The following CCDC83 variants were observed in gnomAD, a reference collection of about 807,000 sequenced individuals.
CCDC83 encodes the protein coiled-coil domain-containing protein 83.
Under a neutral mutation model 50.1 loss-of-function variants are expected in CCDC83, and 54 were observed. The ratio of observed to expected loss-of-function variants is 1.08; its 90% CI spans 0.87 to 1.35. CCDC83 has a LOEUF of 1.35. CCDC83 is among the 40% of genes most tolerant of loss of function. The probability of loss-of-function intolerance (pLI) is 0.00; values close to 1 mark genes in which losing one functional copy is unlikely to be tolerated. For synonymous variants in CCDC83, 161 were observed against 153.3 expected, an observed-to-expected ratio of 1.05 and a Z score of -0.37; for missense variants, 518 against 473.9, an observed-to-expected ratio of 1.09 and a Z score of -0.86.
intron 3 of CCDC83, among the ~76,000 whole-genome samples, chr11:85,881,647 G>A (rs923565546): frequency 1.3e-5 from 2 of 152,038 alleles, no homozygotes; most frequent in Non-Finnish European, 2.9e-5. Context: ...TTGAACTCCT[G>A]GCCTCAAGTA....
At chr11:85,913,709 T>C (rs1592200662) in intron 8 of CCDC83, among the ~76,000 whole-genome samples, 1 of 152,190 alleles carries the variant, frequency 6.6e-6, no homozygotes, top group South Asian at 2.1e-4. Flanking sequence ...TCAACTCACA[T>C]AGAATGTCAT....
At chr11:85,877,305 T>C (rs1427648951) in intron 3 of CCDC83, among the ~76,000 whole-genome samples, 3 of 152,102 alleles carry the variant, frequency 2.0e-5, no homozygotes, top group Non-Finnish European at 4.4e-5. Context: ...AGCCTGTCTC[T>C]ACAAAAAATT....
At chr11:85,888,517 T>G (rs1451432087) in intron 5 of CCDC83, among the ~76,000 whole-genome samples, 1 of 152,234 alleles carries the variant, frequency 6.6e-6, no homozygotes, top group African/African-American at 2.4e-5. Flanking sequence ...TTTAAAAAAA[T>G]TAGCTCTTTA....
intron 4 of CCDC83, among the ~76,000 whole-genome samples, chr11:85,883,097 T>C (rs2093309628): frequency 6.6e-6 from 1 of 152,006 alleles, no homozygotes; most frequent in South Asian, 2.1e-4. Flanking sequence ...TGTTCCTTTT[T>C]TGTAGAGATG....
chr11:85,905,630 A>AG (rs1407521351), intron 7 of CCDC83, among the ~76,000 whole-genome samples: 1 of 150,678 alleles, frequency 6.6e-6, no homozygotes, highest in Non-Finnish European at 1.5e-5. Flanking sequence ...AAAAAAAAAA[A>AG]GGTATTAACA....
intron 7 of CCDC83, among the ~76,000 whole-genome samples, chr11:85,906,612 C>T (rs1292509331): frequency 6.6e-6 from 1 of 152,184 alleles, no homozygotes; most frequent in Non-Finnish European, 1.5e-5. Context: ...GGCATGGTGG[C>T]TCCCACCTAT....
intron 7 of CCDC83, among the ~76,000 whole-genome samples, chr11:85,909,924 C>A (rs1432917253): frequency 1.3e-5 from 2 of 152,158 alleles, no homozygotes. Flanking sequence ...CAATGACCTT[C>A]CATCACCTAC....
At chr11:85,872,949 A>G (rs2093247546) in intron 2 of CCDC83, among the ~76,000 whole-genome samples, 2 of 152,120 alleles carry the variant, frequency 1.3e-5, no homozygotes, top group Non-Finnish European at 2.9e-5. Context: ...TTTATAAACA[A>G]TTAGAAAGTA....
chr11:85,881,339 C>A (rs531245339), intron 3 of CCDC83, among the ~76,000 whole-genome samples: 2 of 151,648 alleles, frequency 1.3e-5, no homozygotes, highest in Admixed American at 1.3e-4. Context: ...CACCACTGCA[C>A]GCCAGCCTTG....
chr11:85,886,417 G>T, intron 5 of CCDC83, 50 bp downstream of exon 5: 1 of 1,439,524 alleles, frequency 6.9e-7, no homozygotes, highest in Non-Finnish European at 9.3e-7. Context: ...ATCTTTAGTA[G>T]GGCATACATT....
intron 1 of CCDC83, among the ~76,000 whole-genome samples, chr11:85,855,797 G>A: frequency 6.6e-6 from 1 of 152,156 alleles, no homozygotes. Context: ...CTCTGTGCAG[G>A]AGCTGGGACT....
intron 3 of CCDC83, among the ~76,000 whole-genome samples, chr11:85,875,564 T>C (rs1364672433): frequency 6.6e-6 from 1 of 152,260 alleles, no homozygotes; most frequent in Non-Finnish European, 1.5e-5. Context: ...TGTGTAAAAT[T>C]ATATCTCCAT....
intron 8 of CCDC83, among the ~76,000 whole-genome samples, chr11:85,914,794 G>A (rs2093470058): frequency 6.6e-6 from 1 of 152,142 alleles, no homozygotes; most frequent in South Asian, 2.1e-4. Flanking sequence ...CCGAGACTGG[G>A]TAATTTAGAA....
chr11:85,873,298 G>C lies in CCDC83; in HGVS notation c.180+3G>C. ...AGAACCAAAAATATCATGAAAGAGT[G>C]AGTATAAAATTTAGAACCTATATAT... On this transcript the variant is annotated splice_donor_region_variant and intron_variant, in intron 3 of 10. Transcript: ENST00000342404. The C allele has an allele frequency of 7.4e-7, 1 of 1,347,962 alleles. No homozygotes were observed. The highest frequency in any genetic ancestry group is 1.3e-5 in the South Asian group (1 of 74,520). 83.5% of individuals were successfully genotyped at this position (1,347,962 alleles called of 1,614,324 possible).
At chr11:85,861,477 G>C (rs796425122) in intron 1 of CCDC83, among the ~76,000 whole-genome samples, 34 of 152,296 alleles carry the variant, frequency 2.2e-4, no homozygotes, top group African/African-American at 6.3e-4. Flanking sequence ...TTTATATCAT[G>C]CACTCATGCC....
intron 8 of CCDC83, 79 bp downstream of exon 8, chr11:85,911,481 A>C: frequency 8.0e-7 from 1 of 1,249,426 alleles, no homozygotes; most frequent in Non-Finnish European, 1.1e-6. Context: ...AAAACAAAAA[A>C]AGATGATTTA....
intron 1 of CCDC83, among the ~76,000 whole-genome samples, chr11:85,856,244 T>C (rs1280640200): frequency 6.8e-6 from 1 of 147,462 alleles, no homozygotes; most frequent in African/African-American, 2.5e-5. Flanking sequence ...GGAAAAATAA[T>C]GACTGGGTAT....
intron 10 of CCDC83, among the ~76,000 whole-genome samples, chr11:85,917,156 G>GAA (rs1565159876): frequency 2.2e-4 from 22 of 97,820 alleles, no homozygotes; most frequent in South Asian, 1.8e-3. Flanking sequence ...GAGAGAGAGA[G>GAA]AGAGAGAGAG....
intron 3 of CCDC83, among the ~76,000 whole-genome samples, chr11:85,882,125 TA>T (rs1160645444): frequency 1.4e-5 from 2 of 147,118 alleles, no homozygotes; most frequent in African/African-American, 4.9e-5. Context: ...ACCTCATCTC[TA>T]AAAAAACAAA....
Sources: gnomAD v4.1 joint callset for allele counts (sites outside exome capture counted in the v4.1 genomes callset) on GRCh38, gnomAD v4.1.1 for gene constraint, MANE v1.5 for transcripts, NCBI Gene and HGNC (gene_info 2026-07-23, HGNC 2026-07-21) for gene names.